The following KCNMA1 variants were observed in gnomAD, a reference collection of about 807,000 sequenced individuals.
KCNMA1 encodes Calcium-activated potassium channel subunit alpha-1.
In KCNMA1, 29 loss-of-function variants were observed where a neutral mutation model predicts 140.0. The ratio of observed to expected loss-of-function variants is 0.21; its 90% CI spans 0.15 to 0.28. KCNMA1 has a LOEUF of 0.28. KCNMA1 is among the 10% of genes least tolerant of loss of function. KCNMA1 has a pLI of 1.00. For missense variants in KCNMA1, 880 were observed against 1,602.2 expected (o/e 0.55, Z 7.70); for synonymous variants, 612 against 611.9 (o/e 1.00, Z 0.00).
In KCNMA1 at chr10:76,886,639, A is replaced by G. The variant is rs1280234255; in HGVS notation, c.*627T>C. 4 of 991,096 alleles carry G rather than the reference A, an allele frequency of 4.0e-6. No homozygotes were observed. The highest frequency in any genetic ancestry group is 4.8e-6 in the Non-Finnish European group (4 of 833,444). 61.4% of individuals were successfully genotyped at this position (991,096 alleles called of 1,614,324 possible). ...TCTGGGACAAAAGGCCTTGGTGAGT[A>G]ACTAAAAAAATCACTGATGTTCTCT... On this transcript the variant is annotated 3_prime_UTR_variant, in exon 28 of 28. Transcript: ENST00000286628.
intron 1 of KCNMA1, among the ~76,000 whole-genome samples, chr10:77,618,109 T>G (rs1021407019): frequency 6.6e-6 from 1 of 152,246 alleles, no homozygotes; most frequent in African/African-American, 2.4e-5. Context: ...TCCGGACAGA[T>G]GCAGAGGGTC....
chr10:77,628,384 G>A (rs1029278158), intron 1 of KCNMA1, among the ~76,000 whole-genome samples: 1 of 152,126 alleles, frequency 6.6e-6, no homozygotes, highest in African/African-American at 2.4e-5. Flanking sequence ...CGCCGGGCGC[G>A]GTGGCTCATG....
intron 2 of KCNMA1, among the ~76,000 whole-genome samples, chr10:77,296,541 C>T (rs2075161390): frequency 6.6e-6 from 1 of 152,088 alleles, no homozygotes; most frequent in African/African-American, 2.4e-5. Flanking sequence ...AGAAGGGGGA[C>T]CATCAGCCAT....
intron 24 of KCNMA1, chr10:76,910,476 T>A (rs1293154363): frequency 9.5e-6 from 3 of 317,084 alleles, no homozygotes; most frequent in Non-Finnish European, 1.8e-5. Context: ...TGAGCAGCCA[T>A]GCTGGGATAG....
intron 2 of KCNMA1, among the ~76,000 whole-genome samples, chr10:77,302,738 A>G (rs647778): frequency 0.84 from 127,389 of 151,994 alleles, 53,551 homozygotes; most frequent in Middle Eastern, 0.9. Flanking sequence ...CAGAAAGGGG[A>G]TGGATACTGA....
chr10:77,416,997 G>A (rs527442529), intron 1 of KCNMA1, among the ~76,000 whole-genome samples: 47 of 152,178 alleles, frequency 3.1e-4, no homozygotes, highest in African/African-American at 1.1e-3. Context: ...CTCCCCACTC[G>A]TCACTGACCT....
chr10:77,485,906 C>G (rs1392228738), intron 1 of KCNMA1, among the ~76,000 whole-genome samples: 1 of 152,092 alleles, frequency 6.6e-6, no homozygotes, highest in African/African-American at 2.4e-5. Context: ...AGTGCCAAAA[C>G]TGAAACACAC....
intron 2 of KCNMA1, among the ~76,000 whole-genome samples, chr10:77,311,571 C>CT (rs965511215): frequency 3.3e-5 from 5 of 152,152 alleles, no homozygotes; most frequent in Non-Finnish European, 7.3e-5. Context: ...CAGCTCTGAA[C>CT]TTTGTTTTTA....
rs576313892 is a variant in KCNMA1, at chr10:76,967,653, T to C, written c.2360+2321A>G. ...GGAGGAGTGTCTAAGACTTTCTCAC[T>C]TGTCATGGGATGGCCCATTCCAGCT... is the stretch of plus-strand genomic sequence containing the variant. On this transcript the variant is annotated intron_variant, in intron 20 of 27. Transcript: ENST00000286628. 3.4e-4 allele frequency among the ~76,000 whole-genome samples: 52 copies of C among 152,254 alleles called. 1 individual carries two copies. In the South Asian group the frequency reaches 0.011, roughly 31 times the overall value.
intron 1 of KCNMA1, among the ~76,000 whole-genome samples, chr10:77,568,623 A>G (rs1193739320): frequency 6.6e-6 from 1 of 150,528 alleles, no homozygotes; most frequent in East Asian, 1.9e-4. Context: ...CCCACAGCCA[A>G]TATCATACTG....
chr10:77,458,523 T>C (rs1314432857), intron 1 of KCNMA1, among the ~76,000 whole-genome samples: 1 of 152,226 alleles, frequency 6.6e-6, no homozygotes, highest in Admixed American at 6.5e-5. Flanking sequence ...CAGACACACA[T>C]GCATGGTAGA....
intron 1 of KCNMA1, chr10:77,636,400 C>T (rs2154571907): frequency 1.3e-6 from 2 of 1,536,106 alleles, no homozygotes; most frequent in Non-Finnish European, 1.7e-6. Flanking sequence ...AAGCCGACGA[C>T]ATCTAGCCAC....
intron 3 of KCNMA1, among the ~76,000 whole-genome samples, chr10:77,190,987 A>C (rs78347198): frequency 1.3e-5 from 2 of 152,308 alleles, no homozygotes; most frequent in East Asian, 3.9e-4. Flanking sequence ...CTAGATGATT[A>C]ATAAGCTTTG....
chr10:77,471,547 C>G (rs2098151897), intron 1 of KCNMA1, among the ~76,000 whole-genome samples: 1 of 150,982 alleles, frequency 6.6e-6, no homozygotes, highest in African/African-American at 2.4e-5. Flanking sequence ...ACACTACACA[C>G]ACACCATACA....
chr10:77,135,744 C>G (rs183418825), intron 5 of KCNMA1, among the ~76,000 whole-genome samples: 41 of 152,236 alleles, frequency 2.7e-4, no homozygotes, highest in African/African-American at 9.6e-4. Flanking sequence ...CACAGAATGA[C>G]AAACATCACG....
chr10:77,573,198 T>C (rs568886554), intron 1 of KCNMA1, among the ~76,000 whole-genome samples: 1 of 152,314 alleles, frequency 6.6e-6, no homozygotes, highest in African/African-American at 2.4e-5. Flanking sequence ...TCACTCTGAT[T>C]CTCAGAAGGG....
chr10:77,484,512 T>A (rs976687619), intron 1 of KCNMA1, among the ~76,000 whole-genome samples: 4 of 152,238 alleles, frequency 2.6e-5, no homozygotes, highest in Admixed American at 6.5e-5. Flanking sequence ...CTCATACTAA[T>A]GCCAGGAGAG....
intron 22 of KCNMA1, 95 bp from the exon 23 acceptor site, chr10:76,945,060 G>C: frequency 1.4e-5 from 14 of 1,010,490 alleles, no homozygotes; most frequent in Non-Finnish European, 2.0e-5. Flanking sequence ...AGGGAAAGAG[G>C]AAAACAAATT....
At chr10:77,199,822 T>C (rs769581248) in intron 3 of KCNMA1, among the ~76,000 whole-genome samples, 2 of 152,074 alleles carry the variant, frequency 1.3e-5, no homozygotes, top group Non-Finnish European at 2.9e-5. Flanking sequence ...AGAGCCTAAG[T>C]AGATTGTAAG....
Sources: gnomAD v4.1 joint callset for allele counts (sites outside exome capture counted in the v4.1 genomes callset) on GRCh38, gnomAD v4.1.1 for gene constraint, MANE v1.5 for transcripts, NCBI Gene and HGNC (gene_info 2026-07-23, HGNC 2026-07-21) for gene names.